Variants in PSD3 observed in about 807,000 individuals in gnomAD.
PSD3 encodes the protein pleckstrin and Sec7 domain containing 3.
PSD3 carries 49 observed loss-of-function variants against 105.5 expected under a neutral mutation model. The observed-to-expected ratio is 0.46, with a 90% confidence interval of 0.37 to 0.59. PSD3 has a LOEUF of 0.59. PSD3 is among the 20% of genes least tolerant of loss of function. The probability of loss-of-function intolerance (pLI) is 0.00; values close to 1 mark genes in which losing one functional copy is unlikely to be tolerated. For synonymous variants in PSD3, 557 were observed against 457.8 expected (o/e 1.22, Z -2.77); for missense variants, 1,561 against 1,263.8 (o/e 1.24, Z -3.57).
At chr8:18,759,643 G>C (rs578220131) in intron 9 of PSD3, among the ~76,000 whole-genome samples, 97 of 152,222 alleles carry the variant, frequency 6.4e-4, no homozygotes, top group Non-Finnish European at 1.1e-3. Flanking sequence ...GTATTAAATG[G>C]TAGATGGCAA....
At chr8:18,779,248 C>G (rs557134955) in intron 8 of PSD3, among the ~76,000 whole-genome samples, 1 of 152,184 alleles carries the variant, frequency 6.6e-6, no homozygotes, top group East Asian at 1.9e-4. Flanking sequence ...CAGTTGTTCA[C>G]GATAGTCTCT....
chr8:18,551,576 T>C (rs1241633628), intron 15 of PSD3, among the ~76,000 whole-genome samples: 1 of 152,120 alleles, frequency 6.6e-6, no homozygotes, highest in Non-Finnish European at 1.5e-5. Context: ...TAGTGGACAT[T>C]TGTTGTTTCT....
At chr8:18,804,289 G>T (rs956320900) in intron 6 of PSD3, 21 of 391,704 alleles carry the variant, frequency 5.4e-5, no homozygotes, top group Non-Finnish European at 1.8e-5. Flanking sequence ...AAGCATTTCA[G>T]ATTTTCAGAT....
upstream of PSD3, chr8:19,013,753 G>T: frequency 2.9e-6 from 1 of 345,528 alleles, no homozygotes; most frequent in Non-Finnish European, 4.4e-6. Flanking sequence ...GAGGCTGCGA[G>T]CCCGCGGCAG....
At chr8:18,648,557 G>A (rs1164444085) in intron 10 of PSD3, among the ~76,000 whole-genome samples, 1 of 152,200 alleles carries the variant, frequency 6.6e-6, no homozygotes, top group Non-Finnish European at 1.5e-5. Flanking sequence ...ACATAAAACT[G>A]GAACTTATAT....
At chr8:18,799,228 G>A in intron 8 of PSD3, 67 bp downstream of exon 8, 11 of 1,368,462 alleles carry the variant, frequency 8.0e-6, no homozygotes, top group Non-Finnish European at 1.1e-5. Context: ...AAATAAATGT[G>A]TTTGAACATA....
chr8:18,777,559 C>T (rs1808220541), intron 8 of PSD3, among the ~76,000 whole-genome samples: 1 of 152,074 alleles, frequency 6.6e-6, no homozygotes, highest in Non-Finnish European at 1.5e-5. Flanking sequence ...AATAACTATA[C>T]ATATTTATGG....
At chr8:18,781,534 C>T (rs1047428784) in intron 8 of PSD3, among the ~76,000 whole-genome samples, 9 of 152,130 alleles carry the variant, frequency 5.9e-5, no homozygotes, top group African/African-American at 1.7e-4. Context: ...ACTTTTCCAC[C>T]GTGGAACATG....
chr8:18,538,032 C>T (rs1220972358), intron 15 of PSD3, among the ~76,000 whole-genome samples: 1 of 152,184 alleles, frequency 6.6e-6, no homozygotes, highest in Non-Finnish European at 1.5e-5. Flanking sequence ...AAGCTGCTGC[C>T]CCGTGACATG....
intron 14 of PSD3, among the ~76,000 whole-genome samples, chr8:18,565,761 C>T (rs140184292): frequency 3.3e-5 from 5 of 152,254 alleles, no homozygotes; most frequent in South Asian, 2.1e-4. Flanking sequence ...GCTGGTCTCA[C>T]GGCTTCACAT....
chr8:19,084,056 G>A (rs1158041272), intron 1 of PSD3: 2 of 342,012 alleles, frequency 5.8e-6, no homozygotes, highest in Non-Finnish European at 1.2e-5. Flanking sequence ...CCAGGCCTGG[G>A]AAGGCTGCGG....
chr8:18,584,120 CAA>C (rs1224996698), intron 12 of PSD3, among the ~76,000 whole-genome samples: 8 of 152,156 alleles, frequency 5.3e-5, no homozygotes, highest in African/African-American at 1.9e-4. Context: ...TAGAAAATCT[CAA>C]AGTTTATGTA....
chr8:18,907,132 G>A (rs951621123), intron 2 of PSD3, among the ~76,000 whole-genome samples: 3 of 152,118 alleles, frequency 2.0e-5, no homozygotes, highest in Non-Finnish European at 4.4e-5. Flanking sequence ...GTAATCTAAG[G>A]TTGTTACTGA....
intron 1 of PSD3, among the ~76,000 whole-genome samples, chr8:19,003,899 T>A (rs1410025093): frequency 6.6e-6 from 1 of 151,804 alleles, no homozygotes; most frequent in Non-Finnish European, 1.5e-5. Flanking sequence ...ACTAATTAGG[T>A]TCTAGGGGCA....
chr8:18,982,489 T>C (rs1825293450), intron 1 of PSD3, among the ~76,000 whole-genome samples: 1 of 152,172 alleles, frequency 6.6e-6, no homozygotes, highest in Admixed American at 6.5e-5. Flanking sequence ...CCCACATCCA[T>C]CAGATAAATT....
chr8:19,013,544 C>CCCCGG lies in PSD3; in HGVS notation c.21+14_21+18dup, dbSNP rs765936092. 3.2e-6 allele frequency: 5 copies of CCCCGG among 1,571,670 alleles called. No individual in the cohort carries two copies. The Admixed American group carries it at 8.7e-5, about 27-fold the overall frequency. The stretch of plus-strand genomic sequence containing the variant: ...GCCGCGTGCGCACCCCGCGCCCGCG[C>CCCCGG]CCCGGCCCCGGAGCTCACCGCTGCG... On this transcript the variant is annotated intron_variant, in intron 1 of 15. Coordinates refer to ENST00000327040, the MANE Select transcript of PSD3 (RefSeq NM_015310.4).
At chr8:18,981,459 T>G (rs1369125088) in intron 1 of PSD3, among the ~76,000 whole-genome samples, 4 of 152,164 alleles carry the variant, frequency 2.6e-5, no homozygotes, top group African/African-American at 9.7e-5. Flanking sequence ...CCTGTGTCTT[T>G]GGAAAATAGA....
chr8:18,541,275 G>C (rs959856590), intron 15 of PSD3, among the ~76,000 whole-genome samples: 1 of 151,420 alleles, frequency 6.6e-6, no homozygotes, highest in Non-Finnish European at 1.5e-5. Flanking sequence ...AGAACACACA[G>C]TGGACAAGGA....
chr8:18,677,787 G>T (rs114121262), intron 9 of PSD3, among the ~76,000 whole-genome samples: 1 of 152,122 alleles, frequency 6.6e-6, no homozygotes, highest in Non-Finnish European at 1.5e-5. Flanking sequence ...GAGGCGGCCA[G>T]ATCACGAGGT....
Sources: allele counts gnomAD v4.1 joint callset (sites outside exome capture counted in the v4.1 genomes callset), GRCh38; gene constraint gnomAD v4.1.1; transcripts MANE v1.5; gene names NCBI Gene and HGNC (gene_info 2026-07-23, HGNC 2026-07-21).